Variants in CLSTN2 observed in about 807,000 individuals in gnomAD.
The protein encoded by CLSTN2 is calsyntenin-2.
A neutral mutation model predicts 101.2 loss-of-function variants in CLSTN2; 48 were observed. That is an observed-to-expected ratio of 0.47 (90% CI 0.38 to 0.60). The LOEUF (loss-of-function observed/expected upper bound fraction) is 0.60, where lower values mean the gene tolerates loss of function less well. CLSTN2 is among the 20% of genes least tolerant of loss of function. CLSTN2 has a pLI of 0.00. For missense variants in CLSTN2, 1,160 were observed against 1,238.2 expected, an observed-to-expected ratio of 0.94 and a Z score of 0.95; for synonymous variants, 481 against 463.6, an observed-to-expected ratio of 1.04 and a Z score of -0.48.
intron 2 of CLSTN2, among the ~76,000 whole-genome samples, chr3:140,363,503 C>T (rs181048786): frequency 6.6e-6 from 1 of 152,298 alleles, no homozygotes; most frequent in East Asian, 1.9e-4. Flanking sequence ...AATGAAATTG[C>T]TTTAAAAAAT....
chr3:140,569,972 C>G lies in CLSTN2; in HGVS notation c.*3719C>G, dbSNP rs781715311. 3.9e-5 allele frequency: 6 copies of G among 152,170 alleles called. No individual in the cohort carries two copies. Among genetic ancestry groups the G allele is most frequent in the Non-Finnish European group, 8.8e-5 (6 of 68,052 alleles). 9.4% of individuals were successfully genotyped at this position (152,170 alleles called of 1,614,324 possible). A position where few individuals can be genotyped will look rare whatever the true frequency, so the allele number is the denominator to read the frequency against. On this transcript the variant is annotated 3_prime_UTR_variant, in exon 17 of 17. Transcript: ENST00000458420. ...AGATTATAGGAGTGAGCCACCGCAC[C>G]CAGCCCTCATTACCACTTTCTTGAA...
chr3:139,986,999 T>C (rs1261154568), intron 1 of CLSTN2, among the ~76,000 whole-genome samples: 1 of 151,952 alleles, frequency 6.6e-6, no homozygotes, highest in Admixed American at 6.6e-5. Flanking sequence ...TAAAATTATA[T>C]CATACATCCC....
At chr3:140,320,181 A>T (rs1477528436) in intron 2 of CLSTN2, among the ~76,000 whole-genome samples, 2 of 152,140 alleles carry the variant, frequency 1.3e-5, no homozygotes, top group African/African-American at 4.8e-5. Flanking sequence ...CAGCCGTGAG[A>T]CCTAAAGAAC....
intron 2 of CLSTN2, among the ~76,000 whole-genome samples, chr3:140,233,167 C>T (rs1326223971): frequency 1.3e-5 from 2 of 152,254 alleles, no homozygotes; most frequent in East Asian, 3.9e-4. Context: ...CCCACTTTTC[C>T]TTCTCAGACT....
At chr3:140,522,640 A>G (rs1935055065) in intron 8 of CLSTN2, among the ~76,000 whole-genome samples, 2 of 152,218 alleles carry the variant, frequency 1.3e-5, no homozygotes, top group African/African-American at 4.8e-5. Context: ...CTAGAGCCCA[A>G]CCTCACCTCC....
chr3:140,230,150 A>G (rs147668375), intron 2 of CLSTN2, among the ~76,000 whole-genome samples: 1 of 152,032 alleles, frequency 6.6e-6, no homozygotes, highest in Admixed American at 6.6e-5. Context: ...TCCTGATGGA[A>G]TATCAGGCCG....
chr3:140,164,799 T>C (rs898741929), intron 1 of CLSTN2, among the ~76,000 whole-genome samples: 1 of 152,116 alleles, frequency 6.6e-6, no homozygotes, highest in Non-Finnish European at 1.5e-5. Context: ...CTGGAGAAAT[T>C]AGGTAAGTTC....
At position 140,143,803 on chromosome 3, in the gene CLSTN2, A is replaced by G. The variant is rs144449636; in HGVS notation, c.110-32148A>G. Among the ~76,000 whole-genome samples, 636 of 152,330 alleles carry G rather than the reference A, an allele frequency of 4.2e-3. 2 individuals are homozygous for G. The highest frequency in any genetic ancestry group is 6.1e-3 in the Non-Finnish European group (417 of 68,020). ...AAAGAAGTGTGAAGAAAGACATGTTATGATTCTCACTTTCCTAACCAGGGA... is the reference window on the plus strand; with the variant it reads ...AAAGAAGTGTGAAGAAAGACATGTTGTGATTCTCACTTTCCTAACCAGGGA... On this transcript the variant is annotated intron_variant, in intron 1 of 16. Coordinates refer to ENST00000458420, the MANE Select transcript of CLSTN2 (RefSeq NM_022131.3).
intron 2 of CLSTN2, among the ~76,000 whole-genome samples, chr3:140,360,946 G>C (rs936266803): frequency 2.0e-5 from 3 of 152,124 alleles, no homozygotes; most frequent in African/African-American, 7.2e-5. Context: ...AAGAAGTAAT[G>C]CAAATCTTTT....
chr3:140,481,070 A>G (rs1934106762), intron 8 of CLSTN2, among the ~76,000 whole-genome samples: 1 of 152,176 alleles, frequency 6.6e-6, no homozygotes, highest in Non-Finnish European at 1.5e-5. Flanking sequence ...GAGGGTTTTT[A>G]TGGTTTTAGG....
intron 1 of CLSTN2, among the ~76,000 whole-genome samples, chr3:140,098,360 T>C (rs892146681): frequency 4.6e-5 from 7 of 152,194 alleles, no homozygotes; most frequent in Admixed American, 3.3e-4. Context: ...ATAAGCCTTT[T>C]CCACACCATT....
chr3:140,210,337 CA>C (rs1428669593), intron 2 of CLSTN2, among the ~76,000 whole-genome samples: 1 of 152,198 alleles, frequency 6.6e-6, no homozygotes, highest in East Asian at 1.9e-4. Flanking sequence ...ACTTATGAAG[CA>C]GAGACACAGT....
At chr3:140,188,307 G>T (rs1168198705) in intron 2 of CLSTN2, among the ~76,000 whole-genome samples, 2 of 152,202 alleles carry the variant, frequency 1.3e-5, no homozygotes, top group African/African-American at 4.8e-5. Flanking sequence ...AAGCAGGCTT[G>T]TTTATCCTTA....
At chr3:140,197,694 G>A (rs922695500) in intron 2 of CLSTN2, among the ~76,000 whole-genome samples, 1 of 152,152 alleles carries the variant, frequency 6.6e-6, no homozygotes, top group Admixed American at 6.5e-5. Context: ...GACATCTAGT[G>A]AGTAGAGGCC....
intron 2 of CLSTN2, among the ~76,000 whole-genome samples, chr3:140,198,172 C>T (rs2010669525): frequency 6.6e-6 from 1 of 152,128 alleles, no homozygotes; most frequent in South Asian, 2.1e-4. Flanking sequence ...GATGGTTGCT[C>T]TTAAATTTTA....
At chr3:140,427,285 G>A (rs866244728) in intron 5 of CLSTN2, among the ~76,000 whole-genome samples, 1 of 145,792 alleles carries the variant, frequency 6.9e-6, no homozygotes, top group Non-Finnish European at 1.5e-5. Context: ...AGAGAGAACA[G>A]GTTTGAGAAA....
At chr3:140,202,502 G>T (rs764278157) in intron 2 of CLSTN2, among the ~76,000 whole-genome samples, 12 of 152,212 alleles carry the variant, frequency 7.9e-5, no homozygotes, top group Non-Finnish European at 1.3e-4. Context: ...GGTGGAGTAG[G>T]TTGGAGAAGG....
At chr3:140,150,613 G>A (rs56820920) in intron 1 of CLSTN2, among the ~76,000 whole-genome samples, 7,181 of 152,138 alleles carry the variant, frequency 0.047, 390 homozygotes, top group African/African-American at 0.14. Context: ...GAATATAAAG[G>A]CCCATCCATC....
intron 3 of CLSTN2, 128 bp downstream of exon 3, chr3:140,403,952 T>G: frequency 1.3e-6 from 1 of 749,104 alleles, no homozygotes; most frequent in East Asian, 2.7e-5. Context: ...GCTCAACTGC[T>G]TGGCAGTTTC....
Sources: allele counts gnomAD v4.1 joint callset (sites outside exome capture counted in the v4.1 genomes callset), GRCh38; gene constraint gnomAD v4.1.1; transcripts MANE v1.5; gene names NCBI Gene and HGNC (gene_info 2026-07-23, HGNC 2026-07-21).